The following PRELID2 variants were observed in gnomAD, a reference collection of about 807,000 sequenced individuals.
PRELID2 encodes the protein PRELI domain-containing protein 2.
PRELID2 carries 25 observed loss-of-function variants against 28.4 expected under a neutral mutation model. The ratio of observed to expected loss-of-function variants is 0.88; its 90% CI spans 0.64 to 1.23. The LOEUF (loss-of-function observed/expected upper bound fraction) is 1.23, where lower values mean the gene tolerates loss of function less well. Among genes scored for constraint, PRELID2 ranks in the 50% most tolerant of loss-of-function variants. The pLI is 0.00. For missense variants in PRELID2, 201 were observed against 214.4 expected, an observed-to-expected ratio of 0.94 and a Z score of 0.39; for synonymous variants, 76 against 71.6, an observed-to-expected ratio of 1.06 and a Z score of -0.31.
At chr5:145,796,148 C>G (rs1007676356) in intron 5 of PRELID2, 18 of 209,792 alleles carry the variant, frequency 8.6e-5, no homozygotes, top group Middle Eastern at 1.8e-3. Context: ...TGTCATCATA[C>G]TATACATTAT....
chr5:145,232,770 A>G, the PRELID2 span, among the ~76,000 whole-genome samples: 1 of 152,232 alleles, frequency 6.6e-6, no homozygotes, highest in Non-Finnish European at 1.5e-5. Flanking sequence ...ATGTTCAGTA[A>G]TTTATTCTTT....
chr5:145,525,831 T>A (rs1752601542), intron 1 of PRELID2, among the ~76,000 whole-genome samples: 1 of 152,186 alleles, frequency 6.6e-6, no homozygotes. Context: ...GGTGGATATA[T>A]CTGACATTCT....
At chr5:145,748,398 C>T (rs1263964094) in intron 1 of PRELID2, among the ~76,000 whole-genome samples, 2 of 151,962 alleles carry the variant, frequency 1.3e-5, no homozygotes, top group African/African-American at 4.8e-5. Flanking sequence ...AATAAAATAC[C>T]TAGGAATATA....
At chr5:145,245,238 C>A in the PRELID2 span, among the ~76,000 whole-genome samples, 1 of 152,042 alleles carries the variant, frequency 6.6e-6, no homozygotes, top group Non-Finnish European at 1.5e-5. Context: ...TAAACTGTCA[C>A]AGTGCCCAAT....
At chr5:145,359,856 C>T in the PRELID2 span, among the ~76,000 whole-genome samples, 1 of 152,172 alleles carries the variant, frequency 6.6e-6, no homozygotes, top group African/African-American at 2.4e-5. Context: ...CCAAGCCCTA[C>T]CCACTCTTCT....
At chr5:145,562,631 C>T (rs2126694499) in intron 1 of PRELID2, among the ~76,000 whole-genome samples, 1 of 152,268 alleles carries the variant, frequency 6.6e-6, no homozygotes, top group African/African-American at 2.4e-5. Context: ...AAAAGATTGT[C>T]TTCATGTTCT....
At chr5:145,545,263 T>C (rs913693714) in intron 1 of PRELID2, among the ~76,000 whole-genome samples, 3 of 152,112 alleles carry the variant, frequency 2.0e-5, no homozygotes, top group Non-Finnish European at 4.4e-5. Flanking sequence ...TCTTAAATCA[T>C]AAAATCAGAG....
At chr5:145,263,401 T>C in the PRELID2 span, among the ~76,000 whole-genome samples, 1 of 152,004 alleles carries the variant, frequency 6.6e-6, no homozygotes, top group African/African-American at 2.4e-5. Context: ...CATCAGCACA[T>C]GGAACAGGCT....
At chr5:145,247,223 C>T in the PRELID2 span, among the ~76,000 whole-genome samples, 1 of 152,088 alleles carries the variant, frequency 6.6e-6, no homozygotes, top group Non-Finnish European at 1.5e-5. Context: ...GCAACGTGAC[C>T]AATCATCACT....
At chr5:145,394,809 T>TTGATTC in the PRELID2 span, among the ~76,000 whole-genome samples, 2 of 152,164 alleles carry the variant, frequency 1.3e-5, no homozygotes, top group Admixed American at 1.3e-4. Context: ...AGAGTCCATT[T>TTGATTC]TGATTCTGGC....
the PRELID2 span, among the ~76,000 whole-genome samples, chr5:145,388,572 G>A: frequency 6.6e-6 from 1 of 152,142 alleles, no homozygotes; most frequent in Non-Finnish European, 1.5e-5. Flanking sequence ...CTTGAAGTGT[G>A]CACCATACAC....
Position 145,615,604 on chromosome 5 carries a change from G to A in PRELID2, n.71-142289C>T, listed in dbSNP as rs1201300256. ...GCCTCCCAAAGTGCTGGGATTACAG[G>A]CGTGAGCCACCGCGCCCAGCCGTGA... On this transcript the variant is annotated intron_variant and non_coding_transcript_variant, in intron 1 of 2. Transcript: ENST00000510259. 3.4e-5 allele frequency among the ~76,000 whole-genome samples: 4 copies of A among 116,518 alleles called. 1 individual carries two copies. Among genetic ancestry groups the A allele is most frequent in the Non-Finnish European group, 6.7e-5 (4 of 59,876 alleles). The allele number at this position is 116,518 out of a possible 152,430, so 76.4% of individuals were successfully genotyped here.
At chr5:145,619,950 T>C (rs1010030050) in intron 1 of PRELID2, among the ~76,000 whole-genome samples, 1 of 152,120 alleles carries the variant, frequency 6.6e-6, no homozygotes, top group African/African-American at 2.4e-5. Context: ...ATTTAAACAG[T>C]CTGAAAATTT....
At chr5:145,515,042 C>T (rs1322117320) in intron 1 of PRELID2, among the ~76,000 whole-genome samples, 1 of 152,112 alleles carries the variant, frequency 6.6e-6, no homozygotes, top group African/African-American at 2.4e-5. Context: ...TAAATGGCCA[C>T]AGGACAAAGC....
the PRELID2 span, among the ~76,000 whole-genome samples, chr5:145,336,484 C>A: frequency 6.6e-6 from 1 of 151,782 alleles, no homozygotes; most frequent in Admixed American, 6.6e-5. Context: ...TTTCAGCTTT[C>A]TACATATGGC....
the PRELID2 span, among the ~76,000 whole-genome samples, chr5:145,338,927 T>C: frequency 6.6e-6 from 1 of 152,234 alleles, no homozygotes; most frequent in Non-Finnish European, 1.5e-5. Context: ...CAAGCCTTAC[T>C]GCGTGGAATT....
intron 1 of PRELID2, among the ~76,000 whole-genome samples, chr5:145,599,270 T>C (rs1175914969): frequency 1.3e-5 from 2 of 152,208 alleles, no homozygotes; most frequent in African/African-American, 4.8e-5. Context: ...TAGCAAAGTC[T>C]AGAAAGACAG....
At chr5:145,291,898 A>G in the PRELID2 span, among the ~76,000 whole-genome samples, 1 of 152,140 alleles carries the variant, frequency 6.6e-6, no homozygotes, top group Admixed American at 6.5e-5. Context: ...TCTTGATTGA[A>G]TTGCCTTTGT....
At chr5:145,423,374 A>G in the PRELID2 span, among the ~76,000 whole-genome samples, 1 of 151,990 alleles carries the variant, frequency 6.6e-6, no homozygotes, top group Admixed American at 6.6e-5. Context: ...CAGGTACACC[A>G]ATCAGGCATA....
Sources: allele counts gnomAD v4.1 joint callset (sites outside exome capture counted in the v4.1 genomes callset), GRCh38; gene constraint gnomAD v4.1.1; transcripts MANE v1.5; gene names NCBI Gene and HGNC (gene_info 2026-07-23, HGNC 2026-07-21).